Variants in ABLIM1 observed in about 807,000 individuals in gnomAD.
ABLIM1 encodes the protein actin binding LIM protein 1.
ABLIM1 carries 40 observed loss-of-function variants against 107.0 expected under a neutral mutation model. The observed-to-expected ratio is 0.37, with a 90% CI of 0.29 to 0.49. The LOEUF is 0.49. ABLIM1 is among the 20% of genes least tolerant of loss of function. ABLIM1 has a pLI of 0.97. For missense variants in ABLIM1, 857 were observed against 1,008.5 expected, an observed-to-expected ratio of 0.85 and a Z score of 2.04; for synonymous variants, 357 against 357.3, an observed-to-expected ratio of 1.00 and a Z score of 0.01.
intron 1 of ABLIM1, among the ~76,000 whole-genome samples, chr10:114,696,715 G>A (rs551466903): frequency 1.1e-3 from 172 of 152,250 alleles, no homozygotes; most frequent in African/African-American, 3.8e-3. Flanking sequence ...CCATGATTGT[G>A]AGGCCTCCCC....
At chr10:114,621,566 A>T (rs1300077455) in intron 1 of ABLIM1, among the ~76,000 whole-genome samples, 1 of 152,196 alleles carries the variant, frequency 6.6e-6, no homozygotes, top group Non-Finnish European at 1.5e-5. Context: ...GAACTCCTCA[A>T]ATACCAATCT....
At chr10:114,485,736 A>G (rs764438283) in intron 8 of ABLIM1, among the ~76,000 whole-genome samples, 1 of 152,226 alleles carries the variant, frequency 6.6e-6, no homozygotes, top group Non-Finnish European at 1.5e-5. Context: ...GAGTTCTTAA[A>G]TATAAAAAAT....
At chr10:114,532,595 G>C (rs2065571917) in intron 6 of ABLIM1, among the ~76,000 whole-genome samples, 1 of 152,178 alleles carries the variant, frequency 6.6e-6, no homozygotes, top group Admixed American at 6.6e-5. Flanking sequence ...TGGGCCCTGG[G>C]GAAAATTTCA....
intron 4 of ABLIM1, among the ~76,000 whole-genome samples, chr10:114,550,494 A>G (rs1296417634): frequency 5.3e-5 from 8 of 151,884 alleles, no homozygotes; most frequent in Non-Finnish European, 8.8e-5. Context: ...AGCCTCCCCC[A>G]TTAGCAACAT....
At chr10:114,762,672 T>C (rs888471727) in intron 1 of ABLIM1, among the ~76,000 whole-genome samples, 20 of 152,232 alleles carry the variant, frequency 1.3e-4, no homozygotes, top group African/African-American at 4.6e-4. Flanking sequence ...ATGCTTGTTA[T>C]GTACTGTTCT....
chr10:114,624,411 G>A (rs1214842368), intron 1 of ABLIM1, among the ~76,000 whole-genome samples: 1 of 152,190 alleles, frequency 6.6e-6, no homozygotes, highest in Non-Finnish European at 1.5e-5. Context: ...TCTTCTGCAG[G>A]AATTTGGAAA....
At chr10:114,731,182 C>T (rs1156877908) in intron 1 of ABLIM1, among the ~76,000 whole-genome samples, 2 of 152,048 alleles carry the variant, frequency 1.3e-5, no homozygotes, top group African/African-American at 4.8e-5. Flanking sequence ...ACTCTGTCGC[C>T]CAGGCTGGAG....
At chr10:114,449,701 A>G (rs1007967778) in intron 14 of ABLIM1, among the ~76,000 whole-genome samples, 8 of 152,240 alleles carry the variant, frequency 5.3e-5, no homozygotes, top group Admixed American at 5.2e-4. Flanking sequence ...AAGATGGACA[A>G]AACATGTTAG....
chr10:114,701,506 A>C (rs900981109), intron 1 of ABLIM1, among the ~76,000 whole-genome samples: 3 of 152,198 alleles, frequency 2.0e-5, no homozygotes, highest in Admixed American at 1.3e-4. Flanking sequence ...AAATAGCTAT[A>C]AACAACAAGA....
intron 8 of ABLIM1, among the ~76,000 whole-genome samples, chr10:114,486,032 C>G (rs904868853): frequency 6.6e-6 from 1 of 152,142 alleles, no homozygotes; most frequent in African/African-American, 2.4e-5. Flanking sequence ...TGACCTCCCA[C>G]GTAGTGAATG....
At chr10:114,507,107 G>A (rs1379779116) in intron 6 of ABLIM1, among the ~76,000 whole-genome samples, 1 of 152,182 alleles carries the variant, frequency 6.6e-6, no homozygotes, top group Non-Finnish European at 1.5e-5. Context: ...CCTTCAGGGT[G>A]GGAATGAATA....
At chr10:114,566,268 C>A (rs2070734803) in intron 4 of ABLIM1, among the ~76,000 whole-genome samples, 1 of 152,166 alleles carries the variant, frequency 6.6e-6, no homozygotes. Context: ...CGCCATCAGA[C>A]ACTAGTCAGA....
chr10:114,512,387 T>C (rs17091978), intron 6 of ABLIM1, among the ~76,000 whole-genome samples: 1,914 of 152,286 alleles, frequency 0.013, 17 homozygotes, highest in Non-Finnish European at 0.02. Flanking sequence ...TCTCGAAGTG[T>C]GCAAATAGTA....
At chr10:114,590,302 T>C (rs1537489) in intron 2 of ABLIM1, among the ~76,000 whole-genome samples, 11,661 of 152,168 alleles carry the variant, frequency 0.077, 1,509 homozygotes, top group African/African-American at 0.27. Context: ...ATGTACTTAC[T>C]TAAGAAGCTG....
chr10:114,508,397 G>GA (rs991172760), intron 6 of ABLIM1, among the ~76,000 whole-genome samples: 4 of 152,060 alleles, frequency 2.6e-5, no homozygotes, highest in African/African-American at 9.7e-5. Context: ...CTATTTTCCT[G>GA]AAAAAAGATA....
At chr10:114,533,607 C>A (rs2065672103) in intron 6 of ABLIM1, among the ~76,000 whole-genome samples, 1 of 152,186 alleles carries the variant, frequency 6.6e-6, no homozygotes, top group South Asian at 2.1e-4. Flanking sequence ...AGGACATTTA[C>A]TGTGTATGCC....
At chr10:114,615,459 CT>C in intron 1 of ABLIM1, 4 of 417,610 alleles carry the variant, frequency 9.6e-6, no homozygotes, top group South Asian at 6.7e-5. Context: ...GGCAGTCTCC[CT>C]CCGACCCCCA....
At chr10:114,516,810 CA>C (rs1340120076) in intron 6 of ABLIM1, among the ~76,000 whole-genome samples, 5 of 152,206 alleles carry the variant, frequency 3.3e-5, no homozygotes, top group Non-Finnish European at 7.3e-5. Context: ...TCAGGGCTTA[CA>C]AAAGCACATT....
chr10:114,483,968 G>A (rs1049919878), intron 8 of ABLIM1, among the ~76,000 whole-genome samples: 2 of 152,202 alleles, frequency 1.3e-5, no homozygotes, highest in African/African-American at 4.8e-5. Flanking sequence ...CCTCTGCCGG[G>A]CTGGTTGAGT....
Sources: gnomAD v4.1 joint callset for allele counts (sites outside exome capture counted in the v4.1 genomes callset) on GRCh38, gnomAD v4.1.1 for gene constraint, MANE v1.5 for transcripts, NCBI Gene and HGNC (gene_info 2026-07-23, HGNC 2026-07-21) for gene names.